DPF3: variants seen among roughly 807,000 people sequenced by gnomAD.
The protein encoded by DPF3 is double PHD fingers 3.
A neutral mutation model predicts 56.8 loss-of-function variants in DPF3; 18 were observed. That is an observed-to-expected ratio of 0.32 (90% confidence interval 0.22 to 0.47). The LOEUF (loss-of-function observed/expected upper bound fraction) is 0.47. Among genes scored for constraint, DPF3 ranks in the 20% least tolerant of loss-of-function variants. DPF3 has a pLI of 1.00. For synonymous variants in DPF3, 188 were observed against 180.2 expected (o/e 1.04, Z -0.35); for missense variants, 403 against 488.8 (o/e 0.82, Z 1.65).
chr14:72,751,177 G>A (rs540601760), intron 3 of DPF3, among the ~76,000 whole-genome samples: 33 of 152,204 alleles, frequency 2.2e-4, no homozygotes, highest in Middle Eastern at 3.4e-3. Context: ...GCAACAGAGC[G>A]TGACCCTACC....
chr14:72,717,697 G>A (rs1644011378), intron 5 of DPF3, among the ~76,000 whole-genome samples: 1 of 152,178 alleles, frequency 6.6e-6, no homozygotes, highest in African/African-American at 2.4e-5. Flanking sequence ...GTTAGACCAA[G>A]CAGTGTTATG....
At chr14:72,725,348 CA>C (rs1236174212) in intron 4 of DPF3, among the ~76,000 whole-genome samples, 1 of 152,006 alleles carries the variant, frequency 6.6e-6, no homozygotes, top group Non-Finnish European at 1.5e-5. Flanking sequence ...ATCCAAGGGC[CA>C]GGGGAGGCCT....
chr14:72,780,245 G>A (rs926494956), intron 1 of DPF3, among the ~76,000 whole-genome samples: 2 of 152,176 alleles, frequency 1.3e-5, no homozygotes, highest in Non-Finnish European at 2.9e-5. Flanking sequence ...CTGAAAACTT[G>A]CTTCTTCCAG....
In DPF3 at chr14:72,731,439, G is replaced by A. The variant is rs149325707; in HGVS notation, c.429+368C>T. 235 of 187,286 alleles carry A rather than the reference G, an allele frequency of 1.3e-3. 3 individuals are homozygous for A. The East Asian group carries it at 0.02, about 16-fold the overall frequency. The allele number at this position is 187,286 out of a possible 1,614,324, so 11.6% of individuals were successfully genotyped here. On this transcript the variant is annotated intron_variant, in intron 4 of 10. Transcript: ENST00000556509. The stretch of plus-strand genomic sequence containing the variant: ...TCACGTGGCCGTAGCTGGAGCAGAC[G>A]CTCCCACGTTTCAAGCCTAGACAAT...
chr14:72,731,714 AG>A, intron 4 of DPF3, 92 bp downstream of exon 4: 1 of 1,543,626 alleles, frequency 6.5e-7, no homozygotes, highest in South Asian at 1.2e-5. Context: ...CCGGCCCTTG[AG>A]GGGAGGATCT....
intron 1 of DPF3, among the ~76,000 whole-genome samples, chr14:72,867,931 G>A (rs1386942286): frequency 1.3e-5 from 2 of 151,848 alleles, no homozygotes; most frequent in Non-Finnish European, 2.9e-5. Flanking sequence ...TCTGGAGACG[G>A]CATTTCACCA....
chr14:72,812,285 G>A (rs968526746), intron 1 of DPF3, among the ~76,000 whole-genome samples: 1 of 152,116 alleles, frequency 6.6e-6, no homozygotes, highest in African/African-American at 2.4e-5. Context: ...CAGGTTCCTG[G>A]TAACAGCATT....
At chr14:72,767,987 G>C (rs779839825) in intron 2 of DPF3, among the ~76,000 whole-genome samples, 1 of 152,112 alleles carries the variant, frequency 6.6e-6, no homozygotes, top group Non-Finnish European at 1.5e-5. Flanking sequence ...TCAGAAAGAA[G>C]TGGCAAAACC....
chr14:72,881,598 G>A (rs141724703), intron 1 of DPF3, among the ~76,000 whole-genome samples: 22 of 152,214 alleles, frequency 1.4e-4, no homozygotes, highest in Admixed American at 5.9e-4. Context: ...GAACAAATGC[G>A]GATGTCAAAC....
In DPF3 at chr14:72,613,038, G is replaced by A. The variant is rs987097679; in HGVS notation, c.*6259C>T. Among the ~76,000 whole-genome samples the A allele has an allele frequency of 8.8e-5, 13 of 147,368 alleles. No individual in the cohort carries two copies. The South Asian group carries it at 1.3e-3, about 15-fold the overall frequency. On this transcript the variant is annotated 3_prime_UTR_variant, in exon 11 of 11. Transcript: ENST00000556509. ...TGTGTGTGTGTGTGTGTGTATGTGCGTGCGTGCACGCACGCGCATGCACAT... is the reference window on the plus strand; with the variant it reads ...TGTGTGTGTGTGTGTGTGTATGTGCATGCGTGCACGCACGCGCATGCACAT...
At chr14:72,677,517 C>T (rs931544453) in intron 7 of DPF3, among the ~76,000 whole-genome samples, 2 of 152,136 alleles carry the variant, frequency 1.3e-5, no homozygotes, top group Non-Finnish European at 2.9e-5. Flanking sequence ...CTGTGTGCCT[C>T]CTCTCCCCGT....
chr14:72,703,588 G>A lies in DPF3; in HGVS notation c.605-10375C>T, dbSNP rs117599510. Among the ~76,000 whole-genome samples the A allele has an allele frequency of 5.9e-5, 9 of 152,344 alleles. No homozygotes were observed. In the East Asian group the frequency reaches 1.7e-3, roughly 29 times the overall value. ...TGCCCTGCTGAGAAGCCGGGTAACA[G>A]AATGCAGGTGAACTCGGGAGTCTGC... On this transcript the variant is annotated intron_variant, in intron 6 of 10. Transcript: ENST00000556509.
At chr14:72,882,612 T>G (rs1380747521) in intron 1 of DPF3, among the ~76,000 whole-genome samples, 2 of 152,202 alleles carry the variant, frequency 1.3e-5, no homozygotes, top group Non-Finnish European at 2.9e-5. Flanking sequence ...CCTGTTAATT[T>G]TTCTTGCTTG....
At chr14:72,840,642 T>C (rs940670806) in intron 1 of DPF3, among the ~76,000 whole-genome samples, 2 of 152,200 alleles carry the variant, frequency 1.3e-5, no homozygotes, top group Non-Finnish European at 2.9e-5. Context: ...TATTCTACCA[T>C]AATTTGCCAA....
chr14:72,843,856 C>G (rs578150724), intron 1 of DPF3, among the ~76,000 whole-genome samples: 2 of 152,322 alleles, frequency 1.3e-5, no homozygotes, highest in Non-Finnish European at 2.9e-5. Flanking sequence ...GCTGCTAAGA[C>G]TTACGCAGGT....
Position 72,781,847 on chromosome 14 carries a change from T to C in DPF3, c.33-9954A>G, listed in dbSNP as rs768840542. On this transcript the variant is annotated intron_variant, in intron 1 of 10. Coordinates refer to ENST00000556509, the MANE Select transcript of DPF3 (RefSeq NM_001280542.3). ...TCTCCTCTGGAGGCTAAAGAATGTG[T>C]AGAATGCAACAAAAGTGAGGTGGTG... Among the ~76,000 whole-genome samples, 46 of 152,194 alleles carry C rather than the reference T, an allele frequency of 3.0e-4. 1 individual carries two copies. The highest frequency in any genetic ancestry group is 4.6e-4 in the Admixed American group (7 of 15,286).
chr14:72,739,134 C>T (rs996221055), intron 3 of DPF3, among the ~76,000 whole-genome samples: 4 of 151,602 alleles, frequency 2.6e-5, no homozygotes, highest in Non-Finnish European at 5.9e-5. Context: ...CCCAGTGACT[C>T]GAGAGGCTGA....
intron 1 of DPF3, among the ~76,000 whole-genome samples, chr14:72,850,421 C>T (rs546267713): frequency 2.0e-5 from 3 of 152,244 alleles, no homozygotes; most frequent in African/African-American, 4.8e-5. Flanking sequence ...TCCATTTTGC[C>T]GATGAGCAAA....
At chr14:72,802,668 A>G (rs1892936778) in intron 1 of DPF3, among the ~76,000 whole-genome samples, 1 of 152,178 alleles carries the variant, frequency 6.6e-6, no homozygotes, top group African/African-American at 2.4e-5. Context: ...TTACCAGGAG[A>G]AAAGAATTTG....
Sources: gnomAD v4.1 joint callset for allele counts (sites outside exome capture counted in the v4.1 genomes callset) on GRCh38, gnomAD v4.1.1 for gene constraint, MANE v1.5 for transcripts, NCBI Gene and HGNC (gene_info 2026-07-23, HGNC 2026-07-21) for gene names.